Variants in MARK3 observed in about 807,000 individuals in gnomAD.
The protein encoded by MARK3 is microtubule affinity regulating kinase 3.
In MARK3, 46 loss-of-function variants were observed where a neutral mutation model predicts 90.1. The observed-to-expected ratio is 0.51, with a 90% CI of 0.40 to 0.65. The LOEUF is 0.65. MARK3 is among the 30% of genes least tolerant of loss of function. The pLI is 0.00. For synonymous variants in MARK3, 321 were observed against 332.6 expected (o/e 0.97, Z 0.38); for missense variants, 818 against 947.2 (o/e 0.86, Z 1.79).
At chr14:103,439,045 A>G (rs974490534) in intron 3 of MARK3, among the ~76,000 whole-genome samples, 4 of 151,942 alleles carry the variant, frequency 2.6e-5, no homozygotes, top group Admixed American at 2.6e-4. Flanking sequence ...ACATTTTTAG[A>G]AAACTGATTT....
Position 103,477,554 on chromosome 14 carries a change from G to A in MARK3, c.1482+2344G>A, listed in dbSNP as rs573082803. 3.3e-5 allele frequency among the ~76,000 whole-genome samples: 5 copies of A among 152,034 alleles called. No homozygotes were observed. The South Asian group carries it at 1.0e-3, about 32-fold the overall frequency. On this transcript the variant is annotated intron_variant, in intron 13 of 17. Transcript: ENST00000429436. ...CCTTGCTTTTTAGTTTTTTGTTTTG[G>A]AAGTTAAATTCATGTGAATCCACAT...
At chr14:103,501,411 T>G (rs970137628) in intron 17 of MARK3, among the ~76,000 whole-genome samples, 1 of 152,210 alleles carries the variant, frequency 6.6e-6, no homozygotes, top group African/African-American at 2.4e-5. Context: ...AAGTGCTCAT[T>G]AAGTGCCACC....
intron 1 of MARK3, among the ~76,000 whole-genome samples, chr14:103,400,832 C>T (rs766843065): frequency 7.5e-5 from 11 of 146,574 alleles, no homozygotes; most frequent in Non-Finnish European, 1.6e-4. Context: ...GAGTTCGAGG[C>T]TGCAGTGAGG....
intron 2 of MARK3, among the ~76,000 whole-genome samples, chr14:103,414,376 T>C (rs2091840097): frequency 6.6e-6 from 1 of 152,106 alleles, no homozygotes; most frequent in Non-Finnish European, 1.5e-5. Flanking sequence ...CAGCTAATTT[T>C]GTATTTTTAG....
chr14:103,405,685 C>G (rs2091244411), intron 2 of MARK3, among the ~76,000 whole-genome samples: 1 of 151,864 alleles, frequency 6.6e-6, no homozygotes, highest in Non-Finnish European at 1.5e-5. Flanking sequence ...CAAGTTCTAA[C>G]CACATAATAT....
chr14:103,402,431 A>C (rs1297170750), intron 1 of MARK3, among the ~76,000 whole-genome samples: 2 of 151,936 alleles, frequency 1.3e-5, no homozygotes, highest in Admixed American at 6.6e-5. Flanking sequence ...CGCGCACCTG[A>C]GTCCCAGCTA....
chr14:103,479,379 G>A lies in MARK3; in HGVS notation c.1483-1008G>A, dbSNP rs922436451. Among the ~76,000 whole-genome samples the A allele has an allele frequency of 2.9e-4, 44 of 152,142 alleles. 1 individual carries two copies. On this transcript the variant is annotated intron_variant, in intron 13 of 17. Coordinates refer to ENST00000429436, the MANE Select transcript of MARK3 (RefSeq NM_001128918.3). ...ATATATTTAGGAATAAAATTGTTGA[G>A]TAATATGGTAACTCCATGTTTAATT...
At chr14:103,442,749 G>T (rs1223329027) in intron 3 of MARK3, among the ~76,000 whole-genome samples, 1 of 152,128 alleles carries the variant, frequency 6.6e-6, no homozygotes, top group African/African-American at 2.4e-5. Flanking sequence ...GGTGCTCCGG[G>T]AAATTTGTAG....
chr14:103,427,764 G>A (rs955676295), intron 2 of MARK3, among the ~76,000 whole-genome samples: 2 of 152,146 alleles, frequency 1.3e-5, no homozygotes, highest in Admixed American at 6.5e-5. Context: ...TTAGCATGCT[G>A]ATGCATTATA....
intron 4 of MARK3, among the ~76,000 whole-genome samples, chr14:103,449,571 A>G (rs7146215): frequency 0.34 from 52,052 of 152,028 alleles, 9,397 homozygotes; most frequent in East Asian, 0.5. Context: ...GAATTATTTT[A>G]TAAATCAAAG....
At position 103,414,679 on chromosome 14, in the gene MARK3, A is replaced by C. The variant is rs572458722; in HGVS notation, c.243+9412A>C. Among the ~76,000 whole-genome samples the C allele has an allele frequency of 8.5e-5, 13 of 152,340 alleles. No homozygotes were observed. In the East Asian group the frequency reaches 2.1e-3, roughly 25 times the overall value. ...ACTTAATTTGTTCTGAGTCAGTATAAGTTAAAGGCTTATTGTGTATTATGT... is the reference window on the plus strand; with the variant it reads ...ACTTAATTTGTTCTGAGTCAGTATACGTTAAAGGCTTATTGTGTATTATGT... On this transcript the variant is annotated intron_variant, in intron 2 of 17. Coordinates refer to ENST00000429436, the MANE Select transcript of MARK3 (RefSeq NM_001128918.3).
In MARK3 at chr14:103,463,872, G is replaced by A. The variant is rs377453050; in HGVS notation, c.540+1411G>A. Among the ~76,000 whole-genome samples, 16 of 152,204 alleles carry A rather than the reference G, an allele frequency of 1.1e-4. No individual in the cohort carries two copies. The East Asian group carries it at 3.1e-3, about 29-fold the overall frequency. ...CTCAAGTACAATCCTTTGTGATTAA[G>A]CCCTGACCATCTCCCCAGCCCCCTC... On this transcript the variant is annotated intron_variant, in intron 7 of 17. Transcript: ENST00000429436.
intron 14 of MARK3, among the ~76,000 whole-genome samples, chr14:103,481,824 T>C (rs1279950734): frequency 1.6e-5 from 2 of 122,908 alleles, no homozygotes; most frequent in Admixed American, 1.1e-4. Context: ...TGGAGTGCAG[T>C]GGCCTGATCT....
At chr14:103,502,830 G>A (rs80337525) in intron 17 of MARK3, 52 bp from the exon 18 acceptor site, 73 of 1,435,904 alleles carry the variant, frequency 5.1e-5, no homozygotes, top group Non-Finnish European at 6.5e-5. Flanking sequence ...TGAAGTGTAA[G>A]AGGTTGATTT....
chr14:103,399,740 G>T (rs2090836947), intron 1 of MARK3, among the ~76,000 whole-genome samples: 1 of 151,288 alleles, frequency 6.6e-6, no homozygotes, highest in Admixed American at 6.6e-5. Flanking sequence ...AAGGAATTTG[G>T]AGGTATGCAG....
intron 1 of MARK3, among the ~76,000 whole-genome samples, chr14:103,404,146 C>T (rs1275275402): frequency 1.3e-5 from 2 of 152,114 alleles, no homozygotes; most frequent in Non-Finnish European, 1.5e-5. Flanking sequence ...AGTTTCATTT[C>T]CTTTGATTTG....
intron 2 of MARK3, among the ~76,000 whole-genome samples, chr14:103,425,512 CT>C (rs2092375118): frequency 1.3e-5 from 2 of 152,144 alleles, no homozygotes; most frequent in Non-Finnish European, 2.9e-5. Context: ...ATCCACCCAC[CT>C]CCCAAAGTGC....
In MARK3 at chr14:103,475,127, C is replaced by G; in HGVS notation, c.1399C>G (p.Pro467Ala). The part of the protein sequence containing the change: ...GSAVGGKGIA[P>A]ASPMLGNASN... ...TGCTGTTGGAGGAAAGGGAATTGCTCCAGCCAGTCCCATGCTTGGGAATGC... is the reference window on the plus strand; with the variant it reads ...TGCTGTTGGAGGAAAGGGAATTGCTGCAGCCAGTCCCATGCTTGGGAATGC... The change falls in exon 13 of 18, where the codon CCA becomes GCA. Residue 467 changes from proline (P) to alanine (A), a missense_variant. This residue lies in a region of MARK3 where 560 missense variants were observed against 613.5 expected (regional missense o/e 0.91). Transcript: ENST00000429436. The G allele has an allele frequency of 6.2e-7, 1 of 1,614,146 alleles. No individual in the cohort carries two copies. Among genetic ancestry groups the G allele is most frequent in the Non-Finnish European group, 8.5e-7 (1 of 1,180,014 alleles).
intron 1 of MARK3, among the ~76,000 whole-genome samples, chr14:103,389,888 G>A (rs922716533): frequency 1.4e-5 from 2 of 141,570 alleles, no homozygotes; most frequent in African/African-American, 5.4e-5. Context: ...AGAGTGCAGT[G>A]AGCTGAGATC....
Sources: allele counts gnomAD v4.1 joint callset (sites outside exome capture counted in the v4.1 genomes callset), GRCh38; gene constraint gnomAD v4.1.1; regional missense constraint gnomAD v4.1.1; transcripts MANE v1.5; gene names NCBI Gene and HGNC (gene_info 2026-07-23, HGNC 2026-07-21).